The following PCDHGB3 variants were observed in gnomAD, a reference collection of about 807,000 sequenced individuals.
PCDHGB3 encodes the protein protocadherin gamma-B3.
A neutral mutation model predicts 59.2 loss-of-function variants in PCDHGB3; 40 were observed. The observed-to-expected ratio is 0.68, with a 90% CI of 0.52 to 0.88. The LOEUF (loss-of-function observed/expected upper bound fraction) is 0.88. PCDHGB3 is among the 40% of genes least tolerant of loss of function. PCDHGB3 has a pLI of 0.00. For synonymous variants in PCDHGB3, 581 were observed against 503.6 expected, an observed-to-expected ratio of 1.15 and a Z score of -2.06; for missense variants, 1,309 against 1,187.9, an observed-to-expected ratio of 1.10 and a Z score of -1.50.
Position 141,511,151 on chromosome 5 carries a change from C to G in PCDHGB3, c.2768C>G (p.Ser923Trp). The change falls in exon 4 of 4, where the codon TCG becomes TGG. Residue 923 changes from serine (S) to tryptophan (W), a missense_variant. Transcript: ENST00000576222. ...PAGGNGNKKK[S>W]GKKEKK ...GGTGGCAATGGCAACAAGAAGAAGTCGGGCAAGAAGGAGAAGAAGTAACAT... is the reference window on the plus strand; with the variant it reads ...GGTGGCAATGGCAACAAGAAGAAGTGGGGCAAGAAGGAGAAGAAGTAACAT... The G allele has an allele frequency of 6.2e-7, 1 of 1,614,152 alleles. No individual in the cohort carries two copies. Among genetic ancestry groups the G allele is most frequent in the Non-Finnish European group, 8.5e-7 (1 of 1,179,994 alleles).
chr5:141,372,912 T>G, intron 1 of PCDHGB3, 103 bp downstream of exon 1: 1 of 1,057,916 alleles, frequency 9.5e-7, no homozygotes. Context: ...ATTACATTAT[T>G]TTATTGATTT....
intron 1 of PCDHGB3, chr5:141,408,760 C>T: frequency 6.2e-7 from 1 of 1,610,404 alleles, no homozygotes. Flanking sequence ...GAGTTAATTC[C>T]GATGGTGGCA....
chr5:141,384,576 G>GCCCGAGAT (rs1429173266), intron 1 of PCDHGB3: 3 of 1,614,060 alleles, frequency 1.9e-6, no homozygotes, highest in Non-Finnish European at 2.5e-6. Context: ...ATGACAACCC[G>GCCCGAGAT]CCCGAGATCC....
At chr5:141,387,441 T>G (rs2150335837) in intron 1 of PCDHGB3, among the ~76,000 whole-genome samples, 1 of 152,370 alleles carries the variant, frequency 6.6e-6, no homozygotes, top group South Asian at 2.1e-4. Flanking sequence ...ATGTACTTAA[T>G]CTACATGATT....
rs2097422953 is a variant in PCDHGB3 at position 141,431,840 on chromosome 5, C to A, written c.2415+59031C>A. The A allele has an allele frequency of 1.9e-6, 3 of 1,614,248 alleles. No homozygotes were observed. The highest frequency in any genetic ancestry group is 1.6e-4 in the Middle Eastern group (1 of 6,062). ...CGCCAGCTCGGTTCCCGAAAACTCT[C>A]CCAGAGGGACATTAATTGCCCTTTT... On this transcript the variant is annotated intron_variant, in intron 1 of 3. Transcript: ENST00000576222. The surrounding 1 kb of genome is among the most constrained non-coding windows in gnomAD (Gnocchi z 4.8).
chr5:141,427,871 G>T, intron 1 of PCDHGB3: 1 of 1,559,532 alleles, frequency 6.4e-7, no homozygotes, highest in Non-Finnish European at 8.8e-7. Flanking sequence ...TCGAGCTCAC[G>T]ATGCAGGCCC....
chr5:141,431,921 G>C lies in PCDHGB3; in HGVS notation c.2415+59112G>C, dbSNP rs775520324. ...CGGACAGGTGATCTGTTTCATCCAA[G>C]GAAATCTGCCCTTTAAATTAGAAAA... On this transcript the variant is annotated intron_variant, in intron 1 of 3. Transcript: ENST00000576222. This position sits in a 1 kb window ranked among gnomAD's most constrained non-coding sequence, Gnocchi z 4.8. 8.7e-6 allele frequency: 14 copies of C among 1,614,024 alleles called. No individual in the cohort carries two copies. Among genetic ancestry groups the C allele is most frequent in the Non-Finnish European group, 1.2e-5 (14 of 1,179,998 alleles).
rs763433178 is a variant in PCDHGB3, at chr5:141,409,635, A to G, written c.2415+36826A>G. On this transcript the variant is annotated intron_variant, in intron 1 of 3. Transcript: ENST00000576222. ...TCCATTGCGCAAGTGAGCGCCTCTG[A>G]CCCGGATTTGGGGCTCAATGGCCAC... 3 of 1,613,784 alleles carry G rather than the reference A, an allele frequency of 1.9e-6. No individual in the cohort carries two copies. The South Asian group carries it at 3.3e-5, about 18-fold the overall frequency.
chr5:141,494,909 T>G (rs764123148), intron 2 of PCDHGB3, 44 bp downstream of exon 2: 1 of 1,614,042 alleles, frequency 6.2e-7, no homozygotes, highest in Admixed American at 1.7e-5. Flanking sequence ...CTGCGGCATT[T>G]TCTCAGGGAT....
chr5:141,478,249 A>T, intron 1 of PCDHGB3: 1 of 1,614,110 alleles, frequency 6.2e-7, no homozygotes, highest in African/African-American at 1.3e-5. Context: ...CAGTGTTCGG[A>T]GTAATCATAT....
chr5:141,494,607 C>T (rs2099755630), intron 1 of PCDHGB3, among the ~76,000 whole-genome samples, 200 bp from the exon 2 acceptor site: 2 of 152,092 alleles, frequency 1.3e-5, no homozygotes, highest in South Asian at 2.1e-4. Flanking sequence ...TGTGATTTAT[C>T]TCTTGGTTTC....
chr5:141,415,428 G>A, intron 1 of PCDHGB3: 1 of 1,614,206 alleles, frequency 6.2e-7, no homozygotes, highest in Non-Finnish European at 8.5e-7. Flanking sequence ...ACGGGGTTCG[G>A]GCTTTCCTGC....
At position 141,418,475 on chromosome 5, in the gene PCDHGB3, A is replaced by G; in HGVS notation, c.2415+45666A>G. On this transcript the variant is annotated intron_variant, in intron 1 of 3. Transcript: ENST00000576222. The stretch of plus-strand genomic sequence containing the variant: ...GAAGACTCTGGACCGAGAAACGCAG[A>G]GCGCTCACCACTTGGTACTGACCGC... 3 of 1,614,000 alleles carry G rather than the reference A, an allele frequency of 1.9e-6. No individual in the cohort carries two copies. Among genetic ancestry groups the G allele is most frequent in the Non-Finnish European group, 2.5e-6 (3 of 1,179,892 alleles).
intron 1 of PCDHGB3, among the ~76,000 whole-genome samples, chr5:141,444,225 G>A (rs1307884592): frequency 8.0e-6 from 1 of 125,604 alleles, no homozygotes; most frequent in African/African-American, 3.1e-5. Context: ...AGGCTGGAGT[G>A]CAATGGCATG....
At chr5:141,379,744 G>A (rs1333166422) in intron 1 of PCDHGB3, 1 of 152,052 alleles carries the variant, frequency 6.6e-6, no homozygotes, top group African/African-American at 2.4e-5. Flanking sequence ...GCTAAATGAG[G>A]TTCTTTAATC....
chr5:141,478,259 T>A lies in PCDHGB3; in HGVS notation c.2416-16548T>A, dbSNP rs534973741. ...GGTCACAGTGTTCGGAGTAATCATA[T>A]TCAAAGTTTACAAGTGGAAGCAGTC... On this transcript the variant is annotated intron_variant, in intron 1 of 3. Transcript: ENST00000576222. 3.2e-5 allele frequency: 52 copies of A among 1,614,064 alleles called. No individual in the cohort carries two copies. The highest frequency in any genetic ancestry group is 4.4e-5 in the Non-Finnish European group (52 of 1,180,048).
At position 141,487,937 on chromosome 5, in the gene PCDHGB3, T is replaced by G; in HGVS notation, c.2416-6870T>G. 2 of 603,606 alleles carry G rather than the reference T, an allele frequency of 3.3e-6. No homozygotes were observed. The highest frequency in any genetic ancestry group is 2.9e-6 in the Non-Finnish European group (1 of 345,124). 37.4% of individuals were successfully genotyped at this position (603,606 alleles called of 1,614,324 possible). ...GGAGGCTACAGTGCACAGGGTACAG[T>G]GCACCAGGCAGTCACTTGGACAAAG... On this transcript the variant is annotated intron_variant, in intron 1 of 3. Transcript: ENST00000576222. The surrounding 1 kb of genome is among the most constrained non-coding windows in gnomAD (Gnocchi z 5.0).
chr5:141,407,009 T>C (rs1388688972), intron 1 of PCDHGB3, among the ~76,000 whole-genome samples: 1 of 152,198 alleles, frequency 6.6e-6, no homozygotes, highest in Non-Finnish European at 1.5e-5. Flanking sequence ...AGCTTTGAAG[T>C]TGACTCAAAA....
intron 1 of PCDHGB3, chr5:141,376,390 T>C (rs776058989): frequency 1.0e-4 from 166 of 1,614,188 alleles, no homozygotes; most frequent in Middle Eastern, 1.6e-4. Flanking sequence ...GTCATCTGAT[T>C]TTCCCCCAGC....
Sources: allele counts gnomAD v4.1 joint callset (sites outside exome capture counted in the v4.1 genomes callset), GRCh38; gene constraint gnomAD v4.1.1; non-coding constraint Gnocchi (gnomAD v3.1); transcripts MANE v1.5; gene names NCBI Gene and HGNC (gene_info 2026-07-23, HGNC 2026-07-21).